LRRIQ1: variants seen among roughly 807,000 people sequenced by gnomAD.
LRRIQ1 encodes leucine rich repeats and IQ motif containing 1, also known as leucine-rich repeat- and IQ domain-containing protein 1.
Under a neutral mutation model 211.9 loss-of-function variants are expected in LRRIQ1, and 210 were observed. The ratio of observed to expected loss-of-function variants is 0.99; its 90% confidence interval spans 0.89 to 1.11. The LOEUF (loss-of-function observed/expected upper bound fraction) is 1.11. Among genes scored for constraint, LRRIQ1 ranks in the 50% most tolerant of loss-of-function variants. The pLI, the probability that LRRIQ1 is intolerant of heterozygous loss-of-function variation, is 0.00. For missense variants in LRRIQ1, 2,136 were observed against 1,939.5 expected (o/e 1.10, Z -1.90); for synonymous variants, 699 against 650.1 (o/e 1.08, Z -1.14).
intron 24 of LRRIQ1, among the ~76,000 whole-genome samples, chr12:85,189,110 T>TA (rs1892368683): frequency 2.6e-5 from 4 of 151,970 alleles, no homozygotes; most frequent in Admixed American, 2.6e-4. Context: ...GAAAAAAACA[T>TA]AAACAGTTAG....
chr12:85,143,142 T>C (rs139347582), intron 19 of LRRIQ1, among the ~76,000 whole-genome samples: 60 of 151,756 alleles, frequency 4.0e-4, no homozygotes, highest in African/African-American at 1.2e-3. Flanking sequence ...CTTTTTGATA[T>C]AGCTATTTTA....
intron 10 of LRRIQ1, among the ~76,000 whole-genome samples, chr12:85,069,381 A>C (rs1882819582): frequency 6.6e-6 from 1 of 152,066 alleles, no homozygotes; most frequent in Non-Finnish European, 1.5e-5. Flanking sequence ...TGCTATTGTG[A>C]ATAGTGCCGC....
chr12:85,243,187 C>T (rs2137266034), intron 26 of LRRIQ1, among the ~76,000 whole-genome samples: 1 of 142,404 alleles, frequency 7.0e-6, no homozygotes, highest in South Asian at 2.1e-4. Flanking sequence ...GATATTTCCC[C>T]TTAACTTTTG....
chr12:85,066,877 TATA>T lies in LRRIQ1; in HGVS notation c.2679_2681del (p.Asn893del). 1 of 1,518,186 alleles carries T rather than the reference TATA, an allele frequency of 6.6e-7. No individual in the cohort carries two copies. The allele number at this position is 1,518,186 out of a possible 1,614,324, so 94.0% of individuals were successfully genotyped here. On this transcript the variant is annotated inframe_deletion, in exon 10 of 27. Transcript: ENST00000393217. ...TAATATTCAGTGTCTTGAACTTTCA[TATA>T]ATAAAATTACTCGAATTGGTAAGAA... is the stretch of plus-strand genomic sequence containing the variant.
intron 11 of LRRIQ1, among the ~76,000 whole-genome samples, chr12:85,086,608 TC>T (rs1180463044): frequency 8.4e-6 from 1 of 118,646 alleles, no homozygotes; most frequent in Non-Finnish European, 1.9e-5. Context: ...CTTAGGTATT[TC>T]TTTTCTTTTT....
At chr12:85,209,805 A>T (rs866135842) in intron 24 of LRRIQ1, among the ~76,000 whole-genome samples, 1 of 152,140 alleles carries the variant, frequency 6.6e-6, no homozygotes, top group East Asian at 1.9e-4. Context: ...CACAACATCC[A>T]TGAAAAAAAA....
intron 3 of LRRIQ1, among the ~76,000 whole-genome samples, chr12:85,044,490 TAG>T (rs951566799): frequency 1.3e-5 from 2 of 151,976 alleles, no homozygotes; most frequent in Non-Finnish European, 2.9e-5. Context: ...TGGAAAATGA[TAG>T]AGTCAAAGCA....
intron 24 of LRRIQ1, among the ~76,000 whole-genome samples, chr12:85,216,526 A>G (rs1321977380): frequency 1.3e-5 from 2 of 150,538 alleles, no homozygotes; most frequent in African/African-American, 4.9e-5. Flanking sequence ...TTTATATTTC[A>G]TAGTATATTT....
intron 11 of LRRIQ1, among the ~76,000 whole-genome samples, chr12:85,087,043 A>G (rs1275613782): frequency 1.3e-5 from 2 of 151,992 alleles, no homozygotes; most frequent in Non-Finnish European, 1.5e-5. Flanking sequence ...TACTGCACCC[A>G]TTAACTCGTC....
At chr12:85,053,406 A>G (rs978932578) in intron 7 of LRRIQ1, among the ~76,000 whole-genome samples, 4 of 152,312 alleles carry the variant, frequency 2.6e-5, no homozygotes, top group Admixed American at 2.0e-4. Flanking sequence ...AATTCAAAAC[A>G]AAGGAAAAAT....
At chr12:85,266,276 G>T (rs1387066358), downstream of LRRIQ1, among the ~76,000 whole-genome samples, 1 of 152,050 alleles carries the variant, frequency 6.6e-6, no homozygotes, top group African/African-American at 2.4e-5. Flanking sequence ...ATGGATTCTT[G>T]TAATGAGAGC....
Position 85,160,637 on chromosome 12 carries a change from T to G in LRRIQ1, c.4745T>G (p.Phe1582Cys). 1.9e-6 allele frequency: 3 copies of G among 1,609,134 alleles called. No homozygotes were observed. Among genetic ancestry groups the G allele is most frequent in the Non-Finnish European group, 2.6e-6 (3 of 1,176,294 alleles). Residue 1582 changes from phenylalanine to cysteine, a missense_variant, in exon 24 of 27, where the codon TTC (phenylalanine) becomes TGC (cysteine). Physicochemically the swap from Phe to Cys is radical, Grantham distance 205. Transcript: ENST00000393217. ...KIDSTVRLALFKNNENKVSLP... is the reference protein window; with the variant it reads ...KIDSTVRLALCKNNENKVSLP... The stretch of plus-strand genomic sequence containing the variant: ...GATTCCACTGTGCGTCTAGCCTTAT[T>G]CAAAAACAATGAAAATAAAGTGTCT...
chr12:85,086,837 C>T (rs1884874703), intron 11 of LRRIQ1, among the ~76,000 whole-genome samples: 1 of 151,962 alleles, frequency 6.6e-6, no homozygotes, highest in South Asian at 2.1e-4. Context: ...GGAAATCTCT[C>T]CTCCTCCTGG....
chr12:85,185,916 G>A (rs1176345105), intron 24 of LRRIQ1, among the ~76,000 whole-genome samples: 1 of 151,820 alleles, frequency 6.6e-6, no homozygotes, highest in Non-Finnish European at 1.5e-5. Flanking sequence ...TGCATGCTAT[G>A]ATATATAAAT....
intron 8 of LRRIQ1, among the ~76,000 whole-genome samples, chr12:85,063,114 A>G (rs557435781): frequency 1.3e-5 from 2 of 151,802 alleles, no homozygotes; most frequent in East Asian, 3.9e-4. Flanking sequence ...TGTCCGGTGC[A>G]TAGTCTACAG....
intron 1 of LRRIQ1, among the ~76,000 whole-genome samples, chr12:85,260,906 A>G (rs1332833205): frequency 6.6e-6 from 1 of 152,212 alleles, no homozygotes; most frequent in Non-Finnish European, 1.5e-5. Context: ...TTATCATCTA[A>G]GAAACTCTTG....
At chr12:85,101,094 T>A (rs556259239) in intron 13 of LRRIQ1, among the ~76,000 whole-genome samples, 9 of 151,884 alleles carry the variant, frequency 5.9e-5, no homozygotes, top group Admixed American at 3.3e-4. Context: ...TTAATGATGA[T>A]CCAAGAGGAA....
At chr12:85,192,526 TATA>T (rs1892592094) in intron 24 of LRRIQ1, among the ~76,000 whole-genome samples, 1 of 121,122 alleles carries the variant, frequency 8.3e-6, no homozygotes, top group Non-Finnish European at 1.6e-5. Flanking sequence ...AGTTATATAA[TATA>T]ATTATATATA....
downstream of LRRIQ1, among the ~76,000 whole-genome samples, chr12:85,265,594 CTT>C (rs1441161530): frequency 6.6e-6 from 1 of 151,922 alleles, no homozygotes; most frequent in Non-Finnish European, 1.5e-5. Context: ...TAATCTAGAC[CTT>C]GCTGTGCAAC....
Sources: allele counts gnomAD v4.1 joint callset (sites outside exome capture counted in the v4.1 genomes callset), GRCh38; gene constraint gnomAD v4.1.1; transcripts MANE v1.5; gene names NCBI Gene and HGNC (gene_info 2026-07-23, HGNC 2026-07-21).